FRMPD3: variants seen among roughly 807,000 people sequenced by gnomAD.
FRMPD3 encodes the protein FERM and PDZ domain containing 3.
Under a neutral mutation model 97.9 loss-of-function variants are expected in FRMPD3, and 42 were observed. That is an observed-to-expected ratio of 0.43 (90% CI 0.34 to 0.55). The LOEUF (loss-of-function observed/expected upper bound fraction) is 0.55, where lower values mean the gene tolerates loss of function less well. Ranked by LOEUF, FRMPD3 falls within the 20% of genes least tolerant of loss-of-function variation. The pLI is 0.03. For missense variants in FRMPD3, 1,303 were observed against 1,457.7 expected (o/e 0.89, Z 1.73); for synonymous variants, 577 against 581.1 (o/e 0.99, Z 0.10).
intron 4 of FRMPD3, among the ~76,000 whole-genome samples, chrX:107,540,807 C>A (rs774691669): frequency 2.5e-4 from 28 of 112,280 alleles, no homozygotes; most frequent in African/African-American, 8.1e-4. Flanking sequence ...AATTTCTGGG[C>A]CCCACTCTTC....
chrX:107,511,044 T>C (rs180996375), intron 1 of FRMPD3, among the ~76,000 whole-genome samples: 8 of 112,228 alleles, frequency 7.1e-5, no homozygotes, highest in Non-Finnish European at 1.1e-4. Flanking sequence ...AGATGTGCCT[T>C]TCTCTGTCCA....
rs1923369429 is a variant in FRMPD3 at position 107,581,238 on chromosome X, AG to A, written c.1441+4780del. On this transcript the variant is annotated intron_variant, in intron 13 of 14. Transcript: ENST00000683843. ...ATACTCCTGCCTCAGCCTCCTGAGT[AG>A]CTGGGATTACAGGTGGCCGCCACCA... 1.8e-4 allele frequency among the ~76,000 whole-genome samples: 20 copies of A among 110,487 alleles called. 1 individual carries two copies. In the South Asian group the frequency reaches 7.8e-3, roughly 43 times the overall value.
intron 13 of FRMPD3, among the ~76,000 whole-genome samples, chrX:107,585,148 G>C (rs982195921): frequency 1.4e-4 from 15 of 110,874 alleles, no homozygotes; most frequent in African/African-American, 4.6e-4. Context: ...TCCTTGACAG[G>C]GCCCTTCATG....
At chrX:107,555,439 A>G (rs994589371) in intron 8 of FRMPD3, among the ~76,000 whole-genome samples, 2 of 111,864 alleles carry the variant, frequency 1.8e-5, no homozygotes, top group East Asian at 5.6e-4. Flanking sequence ...ATCAACTGGG[A>G]CCTTGTTAGA....
At chrX:107,565,359 G>C (rs977679872) in intron 12 of FRMPD3, among the ~76,000 whole-genome samples, 1 of 111,651 alleles carries the variant, frequency 9.0e-6, no homozygotes, top group African/African-American at 3.3e-5. Flanking sequence ...GCTACCCCCA[G>C]ACCACTGCTT....
chrX:107,603,683 A>C lies in FRMPD3; in HGVS notation c.*310A>C, dbSNP rs1456711235. 4.4e-6 allele frequency: 1 copy of C among 226,907 alleles called. No individual in the cohort carries two copies. Among genetic ancestry groups the C allele is most frequent in the Non-Finnish European group, 7.7e-6 (1 of 129,343 alleles). The allele number at this position is 226,907 out of a possible 1,213,427, so 18.7% of individuals were successfully genotyped here. A position where few individuals can be genotyped will look rare whatever the true frequency, so the allele number is the denominator to read the frequency against. ...TTCTCTGGGGCTGAGAGGTGACATC[A>C]GGCTCACTTCCTGCTCAATCCGTGT... On this transcript the variant is annotated 3_prime_UTR_variant, in exon 15 of 15. Coordinates refer to ENST00000683843, the MANE Select transcript of FRMPD3 (RefSeq NM_001388459.1).
intron 10 of FRMPD3, 147 bp from the exon 11 acceptor site, chrX:107,562,964 G>A: frequency 2.2e-6 from 1 of 447,395 alleles, no homozygotes. Flanking sequence ...CCTTGCTGCT[G>A]TTTTAAGAAG....
intron 1 of FRMPD3, among the ~76,000 whole-genome samples, chrX:107,517,081 A>G (rs965305968): frequency 8.9e-6 from 1 of 111,958 alleles, no homozygotes; most frequent in Non-Finnish European, 1.9e-5. Context: ...ATCCAGTTTC[A>G]GCTTTCTACC....
intron 1 of FRMPD3, among the ~76,000 whole-genome samples, chrX:107,458,867 G>A (rs893641444): frequency 9.0e-6 from 1 of 111,531 alleles, no homozygotes; most frequent in Admixed American, 9.5e-5. Context: ...GTGGCAGTGG[G>A]CATAGAGAGG....
chrX:107,565,537 T>A (rs7879931), intron 12 of FRMPD3, among the ~76,000 whole-genome samples: 18,009 of 106,130 alleles, frequency 0.17, 3,335 homozygotes, highest in African/African-American at 0.54. Context: ...CTACAAAAAA[T>A]TACAAAACTT....
At chrX:107,450,757 A>C (rs1341011964) in intron 1 of FRMPD3, among the ~76,000 whole-genome samples, 1 of 110,516 alleles carries the variant, frequency 9.0e-6, no homozygotes, top group Non-Finnish European at 1.9e-5. Context: ...AGTGCTTTGG[A>C]GGTTGGAGAG....
chrX:107,487,148 G>A (rs911421328), intron 1 of FRMPD3, among the ~76,000 whole-genome samples: 10 of 110,805 alleles, frequency 9.0e-5, no homozygotes, highest in African/African-American at 3.0e-4. Context: ...CAGTTTCTTG[G>A]GAGGCTGAGG....
At chrX:107,480,036 TAA>T (rs371473523) in intron 1 of FRMPD3, among the ~76,000 whole-genome samples, 3 of 95,432 alleles carry the variant, frequency 3.1e-5, no homozygotes, top group African/African-American at 3.8e-5. Flanking sequence ...CTGTCTCATT[TAA>T]AAAAAAAAAA....
Position 107,604,446 on chromosome X carries a change from GTGCAGTCC to G in FRMPD3, c.*1078_*1085del, listed in dbSNP as rs2147663923. Reference sequence around the variant, plus strand: ...GAAAAGAAGCTGAGCGCCTTACCCGGTGCAGTCCTGCACCTTTCTCCCTCTCTGGAGCC... The same window carrying G: ...GAAAAGAAGCTGAGCGCCTTACCCGGTGCACCTTTCTCCCTCTCTGGAGCC... On this transcript the variant is annotated 3_prime_UTR_variant, in exon 15 of 15. Coordinates refer to ENST00000683843, the MANE Select transcript of FRMPD3 (RefSeq NM_001388459.1). The G allele has an allele frequency of 9.1e-6, 1 of 110,290 alleles. No homozygotes were observed. Among genetic ancestry groups the G allele is most frequent in the East Asian group, 2.9e-4 (1 of 3,444 alleles). The allele number at this position is 110,290 out of a possible 1,213,427, so 9.1% of individuals were successfully genotyped here.
At chrX:107,598,174 C>T (rs1318139520) in intron 14 of FRMPD3, 32 bp downstream of exon 14, 2 of 1,126,293 alleles carry the variant, frequency 1.8e-6, no homozygotes, top group Non-Finnish European at 2.4e-6. Context: ...CTCTTTCCAC[C>T]CCCTTCTCTT....
At chrX:107,568,818 G>A (rs1195804697) in intron 12 of FRMPD3, among the ~76,000 whole-genome samples, 1 of 110,660 alleles carries the variant, frequency 9.0e-6, no homozygotes, top group African/African-American at 3.3e-5. Flanking sequence ...CAGAACTTAG[G>A]AAGGCACAAG....
chrX:107,604,588 C>T lies in FRMPD3; in HGVS notation c.*1215C>T, dbSNP rs1221030263. 1.0e-5 allele frequency: 1 copy of T among 98,281 alleles called. No homozygotes were observed. Among genetic ancestry groups the T allele is most frequent in the African/African-American group, 3.8e-5 (1 of 26,449 alleles). The allele number at this position is 98,281 out of a possible 1,213,427, so 8.1% of individuals were successfully genotyped here. On this transcript the variant is annotated 3_prime_UTR_variant, in exon 15 of 15. Transcript: ENST00000683843. ...CACCGCTGCCAACCCTCCCCCCACG[C>T]CCCCCACCCCCGCAACCTTCCTGGG... is the stretch of plus-strand genomic sequence containing the variant.
chrX:107,507,869 G>A, intron 1 of FRMPD3, among the ~76,000 whole-genome samples: 1 of 112,059 alleles, frequency 8.9e-6, no homozygotes, highest in East Asian at 2.8e-4. Flanking sequence ...GAGTACTGAT[G>A]ATCCTAGTAG....
chrX:107,552,462 A>G (rs1360920853), intron 6 of FRMPD3, among the ~76,000 whole-genome samples: 1 of 112,233 alleles, frequency 8.9e-6, no homozygotes, highest in South Asian at 3.7e-4. Flanking sequence ...CTTAGTAAGC[A>G]TTTAAAAGAT....
Sources: gnomAD v4.1 joint callset for allele counts (sites outside exome capture counted in the v4.1 genomes callset) on GRCh38, gnomAD v4.1.1 for gene constraint, MANE v1.5 for transcripts, NCBI Gene and HGNC (gene_info 2026-07-23, HGNC 2026-07-21) for gene names.